The following COL24A1 variants were observed in gnomAD, a reference collection of about 807,000 sequenced individuals.
The protein encoded by COL24A1 is collagen alpha-1(XXIV) chain.
In COL24A1, 224 loss-of-function variants were observed where a neutral mutation model predicts 253.9. That is an observed-to-expected ratio of 0.88 (90% CI 0.79 to 0.99). The LOEUF (loss-of-function observed/expected upper bound fraction) is 0.99, where lower values mean the gene tolerates loss of function less well. Among genes scored for constraint, COL24A1 ranks in the 50% least tolerant of loss-of-function variants. COL24A1 has a pLI of 0.00. For synonymous variants in COL24A1, 685 were observed against 673.7 expected (o/e 1.02, Z -0.26); for missense variants, 2,131 against 2,068.5 (o/e 1.03, Z -0.59).
chr1:85,803,572 G>A (rs1476878830), intron 47 of COL24A1, among the ~76,000 whole-genome samples: 1 of 145,890 alleles, frequency 6.9e-6, no homozygotes, highest in Admixed American at 6.9e-5. Flanking sequence ...ATAGTTTTCA[G>A]GATATAGGTT....
intron 23 of COL24A1, among the ~76,000 whole-genome samples, chr1:85,964,175 C>A (rs968999032): frequency 3.3e-5 from 5 of 152,040 alleles, no homozygotes; most frequent in Admixed American, 6.6e-5. Context: ...TATGTCAATT[C>A]ATAGTTAAAT....
At chr1:86,014,357 C>T (rs1366462180) in intron 19 of COL24A1, among the ~76,000 whole-genome samples, 1 of 152,174 alleles carries the variant, frequency 6.6e-6, no homozygotes, top group Non-Finnish European at 1.5e-5. Flanking sequence ...AGACTGTAGA[C>T]TTCTAGGGGT....
At position 85,849,398 on chromosome 1, in the gene COL24A1, T is replaced by C; in HGVS notation, c.3309A>G (p.Glu1103=). 1 of 1,611,178 alleles carries C rather than the reference T, an allele frequency of 6.2e-7. No individual in the cohort carries two copies. Among genetic ancestry groups the C allele is most frequent in the Non-Finnish European group, 8.5e-7 (1 of 1,178,076 alleles). The change falls in exon 38 of 60, where the codon GAA becomes GAG. Residue 1103 remains glutamate, a synonymous_variant. Coordinates refer to ENST00000370571, the MANE Select transcript of COL24A1 (RefSeq NM_152890.7). ...RSGQTGLPGP[E]GIVGIPGQRG... is the part of the protein sequence containing the mutation. ...TTTGCCCTGGAATTCCCACAATTCC[T>C]TCAGGTCCCTAAAATATTCAATATA... is the stretch of plus-strand genomic sequence containing the variant.
rs1700978239 is a variant in COL24A1 at position 86,060,187 on chromosome 1, T to A, written c.1753-1013A>T. ...AAAAAGTGAGACAAAATATTATAAC[T>A]TTTTTTTTAAAAAAGACTCTTTTTC... On this transcript the variant is annotated intron_variant, in intron 8 of 59. Coordinates refer to ENST00000370571, the MANE Select transcript of COL24A1 (RefSeq NM_152890.7). Among the ~76,000 whole-genome samples, 3 of 151,518 alleles carry A rather than the reference T, an allele frequency of 2.0e-5. No individual in the cohort carries two copies. The South Asian group carries it at 6.3e-4, about 32-fold the overall frequency.
chr1:86,104,891 C>T (rs1172293803), intron 5 of COL24A1, among the ~76,000 whole-genome samples: 9 of 152,190 alleles, frequency 5.9e-5, no homozygotes, highest in South Asian at 4.1e-4. Context: ...AGGATGCTAG[C>T]GGGTGCTGAG....
intron 7 of COL24A1, among the ~76,000 whole-genome samples, chr1:86,068,456 C>T (rs1382191029): frequency 6.6e-6 from 1 of 152,164 alleles, no homozygotes; most frequent in Non-Finnish European, 1.5e-5. Context: ...AATCGCACAT[C>T]CTCAAGGAAC....
At chr1:85,890,412 C>CTT (rs35384514) in intron 31 of COL24A1, among the ~76,000 whole-genome samples, 67,914 of 147,254 alleles carry the variant, frequency 0.46, 15,842 homozygotes, top group South Asian at 0.51. Flanking sequence ...CACAAATTTT[C>CTT]TTTTTTTTTT....
At chr1:86,078,779 A>G (rs1184642840) in intron 7 of COL24A1, among the ~76,000 whole-genome samples, 1 of 152,190 alleles carries the variant, frequency 6.6e-6, no homozygotes. Context: ...TAAAAACTAT[A>G]AAACACTGAT....
chr1:85,997,187 G>T (rs1188377011), intron 19 of COL24A1, among the ~76,000 whole-genome samples: 2 of 151,206 alleles, frequency 1.3e-5, no homozygotes, highest in South Asian at 4.2e-4. Flanking sequence ...CCAGTACCTT[G>T]GGGTACTTTC....
At position 86,023,718 on chromosome 1, in the gene COL24A1, G is replaced by A. The variant is rs12405887; in HGVS notation, c.2050-711C>T. Among the ~76,000 whole-genome samples, 263 of 152,038 alleles carry A rather than the reference G, an allele frequency of 1.7e-3. 4 individuals carry two copies. The highest frequency in any genetic ancestry group is 0.015 in the Admixed American group (228 of 15,254). ...TTATCTTCTGCAAGCAAGAGACTTA[G>A]AAAAAACTTCAATATGTCATCTTAG... On this transcript the variant is annotated intron_variant, in intron 14 of 59. Transcript: ENST00000370571.
At chr1:85,833,323 C>T (rs1303308138) in intron 43 of COL24A1, among the ~76,000 whole-genome samples, 1 of 152,188 alleles carries the variant, frequency 6.6e-6, no homozygotes, top group East Asian at 1.9e-4. Context: ...ACAGACACTT[C>T]TCAAAAGAAG....
chr1:85,982,535 C>T (rs1162090940), intron 20 of COL24A1, among the ~76,000 whole-genome samples: 1 of 151,604 alleles, frequency 6.6e-6, no homozygotes, highest in Admixed American at 6.6e-5. Flanking sequence ...GCTCTCCATT[C>T]CAGTGTTCAT....
intron 31 of COL24A1, among the ~76,000 whole-genome samples, chr1:85,890,951 C>T (rs1201719565): frequency 1.3e-5 from 2 of 152,162 alleles, no homozygotes; most frequent in African/African-American, 2.4e-5. Context: ...TCTGAGTCTT[C>T]TCTGACTCAG....
At chr1:86,053,271 T>C (rs758552741) in intron 10 of COL24A1, among the ~76,000 whole-genome samples, 1 of 152,098 alleles carries the variant, frequency 6.6e-6, no homozygotes, top group Non-Finnish European at 1.5e-5. Flanking sequence ...CTAACTGGTA[T>C]ATACTTATCA....
Position 85,729,918 on chromosome 1 carries a change from C to T in COL24A1, c.*628G>A, listed in dbSNP as rs1226728929. ...CCAAACAAATTAAAATAAGTACTAA[C>T]AACCAAAACATATCTTGATGTAACC... On this transcript the variant is annotated 3_prime_UTR_variant, in exon 60 of 60. Coordinates refer to ENST00000370571, the MANE Select transcript of COL24A1 (RefSeq NM_152890.7). 6.6e-6 allele frequency: 1 copy of T among 152,500 alleles called. No individual in the cohort carries two copies. The highest frequency in any genetic ancestry group is 1.5e-5 in the Non-Finnish European group (1 of 68,008). The allele number at this position is 152,500 out of a possible 1,614,324, so 9.4% of individuals were successfully genotyped here.
intron 28 of COL24A1, among the ~76,000 whole-genome samples, chr1:85,899,211 A>G (rs1571140085): frequency 6.6e-6 from 1 of 151,518 alleles, no homozygotes; most frequent in African/African-American, 2.4e-5. Flanking sequence ...AACACAGCTA[A>G]TTTTTTTTTG....
At position 86,052,807 on chromosome 1, in the gene COL24A1, T is replaced by C. The variant is rs886801788; in HGVS notation, c.1852-2630A>G. Among the ~76,000 whole-genome samples the C allele has an allele frequency of 2.6e-5, 4 of 152,202 alleles. No homozygotes were observed. The South Asian group carries it at 8.3e-4, about 31-fold the overall frequency. ...AATGTCTCAAGAATCATATCTAAGT[T>C]GCCTGGAATAAAACTTTTGGAAGGT... On this transcript the variant is annotated intron_variant, in intron 10 of 59. Coordinates refer to ENST00000370571, the MANE Select transcript of COL24A1 (RefSeq NM_152890.7).
intron 6 of COL24A1, among the ~76,000 whole-genome samples, chr1:86,091,232 T>C (rs1703469553): frequency 6.6e-6 from 1 of 152,086 alleles, no homozygotes; most frequent in Non-Finnish European, 1.5e-5. Context: ...TTAAAACATG[T>C]TGAGTATGTA....
At chr1:86,002,254 T>A (rs1212888883) in intron 19 of COL24A1, among the ~76,000 whole-genome samples, 1 of 152,182 alleles carries the variant, frequency 6.6e-6, no homozygotes, top group African/African-American at 2.4e-5. Context: ...CTAAAAGATT[T>A]AGGGGTGGTG....
Sources: gnomAD v4.1 joint callset for allele counts (sites outside exome capture counted in the v4.1 genomes callset) on GRCh38, gnomAD v4.1.1 for gene constraint, MANE v1.5 for transcripts, NCBI Gene and HGNC (gene_info 2026-07-23, HGNC 2026-07-21) for gene names.